The following CA10 variants were observed in gnomAD, a reference collection of about 807,000 sequenced individuals.
CA10 encodes the protein carbonic anhydrase-related protein 10.
CA10 carries 14 observed loss-of-function variants against 44.2 expected under a neutral mutation model. That is an observed-to-expected ratio of 0.32 (90% CI 0.21 to 0.50). CA10 has a LOEUF of 0.50. Ranked by LOEUF, CA10 falls within the 20% of genes least tolerant of loss-of-function variation. The probability of loss-of-function intolerance (pLI) is 0.99; values close to 1 mark genes in which losing one functional copy is unlikely to be tolerated. For synonymous variants in CA10, 159 were observed against 141.6 expected, an observed-to-expected ratio of 1.12 and a Z score of -0.87; for missense variants, 350 against 409.7, an observed-to-expected ratio of 0.85 and a Z score of 1.26.
intron 2 of CA10, among the ~76,000 whole-genome samples, chr17:51,949,821 C>T (rs907118420): frequency 1.3e-5 from 2 of 152,050 alleles, no homozygotes; most frequent in Non-Finnish European, 2.9e-5. Flanking sequence ...AGCTTTGTGG[C>T]CCCTGTGCAG....
At chr17:51,837,079 A>AACACAC (rs5820881) in intron 3 of CA10, among the ~76,000 whole-genome samples, 1,571 of 149,946 alleles carry the variant, frequency 0.01, 9 homozygotes, top group East Asian at 0.019. Context: ...GAGTTCAGAC[A>AACACAC]ACACACACAC....
chr17:51,805,300 T>C (rs1057016538), intron 3 of CA10, among the ~76,000 whole-genome samples: 4 of 152,210 alleles, frequency 2.6e-5, no homozygotes, highest in South Asian at 2.1e-4. Flanking sequence ...GTGCTAGCGA[T>C]TGGGGATTCA....
chr17:51,836,382 CT>C (rs768949822), intron 3 of CA10, among the ~76,000 whole-genome samples: 9 of 152,230 alleles, frequency 5.9e-5, no homozygotes, highest in Non-Finnish European at 1.0e-4. Context: ...TGTAAAAGCA[CT>C]TTGAGAAAGG....
At chr17:52,122,541 G>A (rs1989034806) in intron 1 of CA10, among the ~76,000 whole-genome samples, 2 of 152,052 alleles carry the variant, frequency 1.3e-5, no homozygotes, top group East Asian at 3.9e-4. Flanking sequence ...TGCACCCAAG[G>A]CAAGCTCCTT....
intron 2 of CA10, among the ~76,000 whole-genome samples, chr17:52,071,001 T>C (rs1987665336): frequency 6.6e-6 from 1 of 152,222 alleles, no homozygotes; most frequent in Non-Finnish European, 1.5e-5. Flanking sequence ...TTCTGAGATA[T>C]CTTGAATATA....
At chr17:52,073,358 A>T (rs1165456867) in intron 1 of CA10, among the ~76,000 whole-genome samples, 1 of 152,180 alleles carries the variant, frequency 6.6e-6, no homozygotes. Flanking sequence ...GAGAAGATTT[A>T]CTAGATTTCT....
chr17:51,850,640 T>C (rs1244293185), intron 3 of CA10, among the ~76,000 whole-genome samples: 1 of 152,166 alleles, frequency 6.6e-6, no homozygotes, highest in African/African-American at 2.4e-5. Context: ...GAGTTACATG[T>C]GGAAGGGCAC....
chr17:51,966,518 CAATAG>C (rs1372895868), intron 2 of CA10, among the ~76,000 whole-genome samples: 14 of 151,764 alleles, frequency 9.2e-5, no homozygotes, highest in Admixed American at 9.2e-4. Context: ...ACATATTGAT[CAATAG>C]AATAGAATAG....
intron 3 of CA10, among the ~76,000 whole-genome samples, chr17:51,905,454 G>A (rs942621469): frequency 6.6e-6 from 1 of 150,544 alleles, no homozygotes; most frequent in African/African-American, 2.4e-5. Context: ...ATGCTAGTAA[G>A]TGGAATTTCT....
At chr17:51,810,990 GTT>G (rs1246141308) in intron 3 of CA10, among the ~76,000 whole-genome samples, 3 of 152,216 alleles carry the variant, frequency 2.0e-5, no homozygotes, top group Non-Finnish European at 4.4e-5. Flanking sequence ...GAGGTCAGGA[GTT>G]TGAGACCAGC....
intron 3 of CA10, among the ~76,000 whole-genome samples, chr17:51,898,134 G>T (rs28792812): frequency 2.0e-5 from 3 of 152,080 alleles, no homozygotes; most frequent in African/African-American, 7.2e-5. Flanking sequence ...GGACATCCTT[G>T]TCTTGTTCTG....
chr17:51,802,565 G>GAACA (rs1906973923), intron 3 of CA10, among the ~76,000 whole-genome samples: 1 of 90,660 alleles, frequency 1.1e-5, no homozygotes, highest in African/African-American at 4.4e-5. Context: ...CCTGATGTCT[G>GAACA]AAAAAAAAAA....
At chr17:52,011,655 T>C (rs1985799899) in intron 2 of CA10, among the ~76,000 whole-genome samples, 3 of 152,004 alleles carry the variant, frequency 2.0e-5, no homozygotes, top group African/African-American at 4.8e-5. Flanking sequence ...TCCTACTTTA[T>C]AATGAAAATG....
chr17:52,136,052 C>G (rs1348603788), intron 1 of CA10, among the ~76,000 whole-genome samples: 1 of 152,178 alleles, frequency 6.6e-6, no homozygotes, highest in African/African-American at 2.4e-5. Flanking sequence ...AAGTCCTGAA[C>G]TCTGAACTAG....
chr17:52,141,422 A>G (rs1567746657), intron 1 of CA10, among the ~76,000 whole-genome samples: 1 of 152,210 alleles, frequency 6.6e-6, no homozygotes, highest in African/African-American at 2.4e-5. Context: ...TCAATCCCTT[A>G]CTGAAGAAAA....
intron 3 of CA10, among the ~76,000 whole-genome samples, chr17:51,849,820 C>A (rs1163226055): frequency 6.6e-6 from 1 of 152,150 alleles, no homozygotes; most frequent in Non-Finnish European, 1.5e-5. Context: ...CGCTGTCATG[C>A]CGAGGGCTGT....
At chr17:51,940,570 A>G (rs1490198692) in intron 2 of CA10, among the ~76,000 whole-genome samples, 1 of 151,816 alleles carries the variant, frequency 6.6e-6, no homozygotes, top group Admixed American at 6.6e-5. Context: ...TCAAGGGGAA[A>G]TTTGCTCTTT....
chr17:51,782,105 T>C (rs1412344783), intron 3 of CA10, among the ~76,000 whole-genome samples: 1 of 152,232 alleles, frequency 6.6e-6, no homozygotes, highest in Non-Finnish European at 1.5e-5. Flanking sequence ...TTTCTTTCAG[T>C]ACCCAACCTA....
At chr17:51,736,040 T>C (rs760616747) in intron 4 of CA10, among the ~76,000 whole-genome samples, 5 of 152,162 alleles carry the variant, frequency 3.3e-5, no homozygotes, top group Non-Finnish European at 7.3e-5. Flanking sequence ...CATCATATTG[T>C]ACAGTTTAAA....
Sources: allele counts gnomAD v4.1 joint callset (sites outside exome capture counted in the v4.1 genomes callset), GRCh38; gene constraint gnomAD v4.1.1; transcripts MANE v1.5; gene names NCBI Gene and HGNC (gene_info 2026-07-23, HGNC 2026-07-21).